The following CDH12 variants were observed in gnomAD, a reference collection of about 807,000 sequenced individuals.
The protein encoded by CDH12 is cadherin 12.
In CDH12, 41 loss-of-function variants were observed where a neutral mutation model predicts 74.1. The observed-to-expected ratio is 0.55, with a 90% CI of 0.43 to 0.72. The LOEUF (loss-of-function observed/expected upper bound fraction) is 0.72. Among genes scored for constraint, CDH12 ranks in the 30% least tolerant of loss-of-function variants. The probability of loss-of-function intolerance (pLI) is 0.00; values close to 1 mark genes in which losing one functional copy is unlikely to be tolerated. For missense variants in CDH12, 945 were observed against 977.2 expected (o/e 0.97, Z 0.44); for synonymous variants, 399 against 355.0 (o/e 1.12, Z -1.39).
intron 6 of CDH12, among the ~76,000 whole-genome samples, chr5:21,950,765 TATTA>T (rs1561322787): frequency 1.1e-5 from 1 of 89,822 alleles, no homozygotes; most frequent in Non-Finnish European, 2.0e-5. Flanking sequence ...ATTTTATTAT[TATTA>T]TTATTATTAT....
intron 6 of CDH12, among the ~76,000 whole-genome samples, chr5:21,950,433 G>C (rs1755799029): frequency 2.0e-5 from 3 of 151,750 alleles, no homozygotes. Flanking sequence ...ATAAGAAACA[G>C]AAACAAACAG....
chr5:22,769,637 T>C (rs767072249), intron 1 of CDH12, among the ~76,000 whole-genome samples: 1 of 152,014 alleles, frequency 6.6e-6, no homozygotes, highest in Non-Finnish European at 1.5e-5. Flanking sequence ...ATTAGTTCTG[T>C]CTCTCTGGAA....
At chr5:22,028,871 G>T (rs1738590043) in intron 5 of CDH12, among the ~76,000 whole-genome samples, 2 of 152,096 alleles carry the variant, frequency 1.3e-5, no homozygotes, top group Non-Finnish European at 2.9e-5. Context: ...ATACTACAAG[G>T]CTACAGTAAC....
intron 9 of CDH12, among the ~76,000 whole-genome samples, chr5:21,811,164 C>T (rs1747725170): frequency 6.6e-6 from 1 of 151,896 alleles, no homozygotes; most frequent in Non-Finnish European, 1.5e-5. Context: ...CAAGTAACAT[C>T]AAAATGGTAA....
At chr5:22,110,777 C>A (rs1030817855) in intron 4 of CDH12, among the ~76,000 whole-genome samples, 1 of 152,162 alleles carries the variant, frequency 6.6e-6, no homozygotes, top group African/African-American at 2.4e-5. Flanking sequence ...TAGCAGATTT[C>A]AGGCTCCTCT....
At chr5:22,105,017 A>T (rs1744344948) in intron 4 of CDH12, among the ~76,000 whole-genome samples, 1 of 152,058 alleles carries the variant, frequency 6.6e-6, no homozygotes, top group African/African-American at 2.4e-5. Context: ...TCCTTGGCTC[A>T]TACACGATAT....
chr5:22,005,165 T>A (rs1736866725), intron 5 of CDH12, among the ~76,000 whole-genome samples: 1 of 152,096 alleles, frequency 6.6e-6, no homozygotes, highest in Non-Finnish European at 1.5e-5. Context: ...CTCAGCCTCC[T>A]GGGTAGCTGG....
intron 4 of CDH12, among the ~76,000 whole-genome samples, chr5:22,117,448 A>ATATATTATATAT (rs1554012001): frequency 1.1e-5 from 1 of 89,900 alleles, no homozygotes; most frequent in African/African-American, 4.8e-5. Flanking sequence ...ATATATATAT[A>ATATATTATATAT]ATATATATAT....
intron 6 of CDH12, among the ~76,000 whole-genome samples, chr5:21,902,322 C>G (rs1041880808): frequency 2.6e-5 from 4 of 150,988 alleles, no homozygotes; most frequent in Admixed American, 6.6e-5. Context: ...ATATATATAT[C>G]TCCCTCGCTA....
intron 4 of CDH12, among the ~76,000 whole-genome samples, chr5:22,131,568 T>C (rs572462042): frequency 3.2e-4 from 49 of 152,252 alleles, no homozygotes; most frequent in African/African-American, 1.1e-3. Flanking sequence ...CTATTCTAGG[T>C]CACCTTGTTC....
chr5:22,311,432 C>T (rs1738384082), intron 3 of CDH12, among the ~76,000 whole-genome samples: 1 of 152,074 alleles, frequency 6.6e-6, no homozygotes, highest in Admixed American at 6.5e-5. Context: ...GGGCCGGGCG[C>T]GGTGGCTCAC....
chr5:22,272,420 T>A (rs1477559451), intron 3 of CDH12, among the ~76,000 whole-genome samples: 1 of 152,216 alleles, frequency 6.6e-6, no homozygotes, highest in Non-Finnish European at 1.5e-5. Flanking sequence ...TAAAGCTGTT[T>A]CACTTTATTT....
chr5:21,798,811 T>C (rs1746945867), intron 10 of CDH12, among the ~76,000 whole-genome samples: 1 of 152,146 alleles, frequency 6.6e-6, no homozygotes, highest in African/African-American at 2.4e-5. Flanking sequence ...CATATATGTT[T>C]TTTGCTGAAG....
chr5:21,850,284 C>T (rs13162671), intron 7 of CDH12, among the ~76,000 whole-genome samples: 7,356 of 151,294 alleles, frequency 0.049, 281 homozygotes, highest in East Asian at 0.15. Flanking sequence ...TTTTGCTAAA[C>T]GAGTAGATTA....
intron 4 of CDH12, among the ~76,000 whole-genome samples, chr5:22,207,009 C>G (rs1258079604): frequency 6.6e-6 from 1 of 150,968 alleles, no homozygotes; most frequent in Admixed American, 6.6e-5. Context: ...GTCAGGAGAT[C>G]CAGACCATCC....
chr5:22,774,752 A>T (rs1561022103), intron 1 of CDH12, among the ~76,000 whole-genome samples: 1 of 152,104 alleles, frequency 6.6e-6, no homozygotes, highest in Non-Finnish European at 1.5e-5. Flanking sequence ...AGTTTTGGGT[A>T]TATCTTTATC....
intron 1 of CDH12, among the ~76,000 whole-genome samples, chr5:22,611,288 A>C (rs952808205): frequency 6.6e-6 from 1 of 152,128 alleles, no homozygotes; most frequent in Admixed American, 6.6e-5. Flanking sequence ...CAATTGAAAA[A>C]CCATTTATTT....
chr5:22,674,297 T>A (rs1479201886), intron 1 of CDH12, among the ~76,000 whole-genome samples: 2 of 152,108 alleles, frequency 1.3e-5, no homozygotes, highest in Non-Finnish European at 2.9e-5. Flanking sequence ...AGTGAATAAG[T>A]CTTGGGAGAT....
chr5:22,117,512 A>AATATATATATATAATATATATATAAT (rs368083045), intron 4 of CDH12, among the ~76,000 whole-genome samples: 588 of 58,356 alleles, frequency 0.01, 7 homozygotes, highest in Middle Eastern at 0.05. Context: ...ATATATATAT[A>AATATATATATATAATATATATATAAT]ATATATATAT....
Sources: allele counts gnomAD v4.1 joint callset (sites outside exome capture counted in the v4.1 genomes callset), GRCh38; gene constraint gnomAD v4.1.1; transcripts MANE v1.5; gene names NCBI Gene and HGNC (gene_info 2026-07-23, HGNC 2026-07-21).